The following ARHGDIB variants were observed in gnomAD, a reference collection of about 807,000 sequenced individuals.
ARHGDIB encodes the protein Rho GDP dissociation inhibitor beta.
A neutral mutation model predicts 22.6 loss-of-function variants in ARHGDIB; 20 were observed. That is an observed-to-expected ratio of 0.88 (90% CI 0.62 to 1.28). The LOEUF (loss-of-function observed/expected upper bound fraction) is 1.28, where lower values mean the gene tolerates loss of function less well. ARHGDIB is among the 50% of genes most tolerant of loss of function. The pLI, the probability that ARHGDIB is intolerant of heterozygous loss-of-function variation, is 0.00. For missense variants in ARHGDIB, 254 were observed against 245.4 expected, an observed-to-expected ratio of 1.04 and a Z score of -0.23; for synonymous variants, 114 against 96.1, an observed-to-expected ratio of 1.19 and a Z score of -1.09.
chr12:14,953,031 A>T (rs1322480929), intron 1 of ARHGDIB, among the ~76,000 whole-genome samples: 1 of 152,232 alleles, frequency 6.6e-6, no homozygotes, highest in Non-Finnish European at 1.5e-5. Context: ...GCCACCTTCT[A>T]ACAGTATGAC....
chr12:14,949,305 T>C lies in ARHGDIB; in HGVS notation c.265+497A>G, dbSNP rs564213241. The stretch of plus-strand genomic sequence containing the variant: ...AACATCTTAATTTGTACGCCTTTAG[T>C]AGGAGACGTTGTTTATTTAACAAGA... On this transcript the variant is annotated intron_variant, in intron 3 of 5. Coordinates refer to ENST00000228945, the MANE Select transcript of ARHGDIB (RefSeq NM_001175.7). Among the ~76,000 whole-genome samples, 3 of 152,344 alleles carry C rather than the reference T, an allele frequency of 2.0e-5. No homozygotes were observed. The East Asian group carries it at 5.8e-4, about 29-fold the overall frequency.
chr12:14,943,389 T>TG (rs567744193), intron 5 of ARHGDIB, among the ~76,000 whole-genome samples: 4,880 of 138,954 alleles, frequency 0.035, 219 homozygotes, highest in African/African-American at 0.11. Flanking sequence ...TTTTTTTTTT[T>TG]TTGTTGTTGT....
chr12:14,953,443 A>T (rs1023317694), intron 1 of ARHGDIB, among the ~76,000 whole-genome samples: 1 of 152,330 alleles, frequency 6.6e-6, no homozygotes, highest in South Asian at 2.1e-4. Flanking sequence ...GTGAGCACCC[A>T]CTGTTTACAA....
In ARHGDIB at chr12:14,942,665, A is replaced by G. The variant is rs1225295947; in HGVS notation, c.463T>C (p.Phe155Leu). The change falls in exon 6 of 6, where the codon TTC becomes CTC. Residue 155 changes from phenylalanine to leucine, a missense_variant. Coordinates refer to ENST00000228945, the MANE Select transcript of ARHGDIB (RefSeq NM_001175.7). ...SYGPRPEEYE[F>L]LTPVEEAPKG... ...GGAGCCTCCTCAACTGGAGTGAGGAACTCATACTCCTCAGGCCGAGGTCCA... is the reference window on the plus strand; with the variant it reads ...GGAGCCTCCTCAACTGGAGTGAGGAGCTCATACTCCTCAGGCCGAGGTCCA... 1 of 1,614,092 alleles carries G rather than the reference A, an allele frequency of 6.2e-7. No individual in the cohort carries two copies. Among genetic ancestry groups the G allele is most frequent in the South Asian group, 1.1e-5 (1 of 91,084 alleles).
At chr12:14,949,632 A>G in intron 3 of ARHGDIB, among the ~76,000 whole-genome samples, 170 bp downstream of exon 3, 1 of 152,214 alleles carries the variant, frequency 6.6e-6, no homozygotes, top group Non-Finnish European at 1.5e-5. Context: ...TGGGCTTTTC[A>G]TGAAACATGG....
Position 14,944,791 on chromosome 12 carries a change from T to C in ARHGDIB, c.391A>G (p.Arg131Gly). The part of the protein sequence containing the change: ...SGLKYVQHTY[R>G]TGVKVDKATF... Reference sequence around the variant, plus strand: ...GTTCCCTTACCTTTCACCCCAGTCCTGTAGGTGTGCTGAACGTATTTCAGG... The same window carrying C: ...GTTCCCTTACCTTTCACCCCAGTCCCGTAGGTGTGCTGAACGTATTTCAGG... The change falls in exon 5 of 6, where the codon AGG becomes GGG. Residue 131 changes from arginine (R) to glycine (G), a missense_variant. By Grantham distance (125) the Arg-to-Gly change is moderately radical (BLOSUM62 -2). Transcript: ENST00000228945. 6.2e-7 allele frequency: 1 copy of C among 1,613,654 alleles called. No homozygotes were observed. The highest frequency in any genetic ancestry group is 8.5e-7 in the Non-Finnish European group (1 of 1,179,712).
rs1346161700 is a variant in ARHGDIB, at chr12:14,942,733, G to A, written c.407-12C>T. 1 of 1,612,822 alleles carries A rather than the reference G, an allele frequency of 6.2e-7. No homozygotes were observed. Among genetic ancestry groups the A allele is most frequent in the African/African-American group, 1.3e-5 (1 of 75,028 alleles). On this transcript the variant is annotated splice_polypyrimidine_tract_variant and intron_variant, in intron 5 of 5. Transcript: ENST00000228945. ...TGTTGCTTTATCCACTAAGAAGAAA[G>A]AAGAGTTCATTAGGGTAAGAGCCTG...
chr12:14,957,444 C>T (rs900038204), intron 1 of ARHGDIB, among the ~76,000 whole-genome samples: 2 of 152,128 alleles, frequency 1.3e-5, no homozygotes, highest in Non-Finnish European at 2.9e-5. Context: ...CTCCTTCCTC[C>T]TTAAAAATAG....
At chr12:14,951,963 A>G (rs114995035) in intron 1 of ARHGDIB, among the ~76,000 whole-genome samples, 2,359 of 152,206 alleles carry the variant, frequency 0.015, 52 homozygotes, top group African/African-American at 0.052. Flanking sequence ...TGTGGCTGAC[A>G]GCCACATGAG....
chr12:14,946,208 T>C (rs979948322), intron 4 of ARHGDIB, among the ~76,000 whole-genome samples: 3 of 152,196 alleles, frequency 2.0e-5, no homozygotes, highest in African/African-American at 7.2e-5. Context: ...CTTGGTGTTA[T>C]GAATCAAAGT....
chr12:14,958,783 A>G (rs1864352497), intron 1 of ARHGDIB, among the ~76,000 whole-genome samples: 2 of 152,162 alleles, frequency 1.3e-5, no homozygotes, highest in Non-Finnish European at 2.9e-5. Flanking sequence ...AATTTTTACC[A>G]GCGGTAAAAT....
Position 14,942,466 on chromosome 12 carries a change from A to G in ARHGDIB, c.*56T>C. ...GACAGGGAGGAGGGACAGGGTGCTG[A>G]ACACGCCTGAGAGAATTCTTCCAGG... On this transcript the variant is annotated 3_prime_UTR_variant, in exon 6 of 6. Coordinates refer to ENST00000228945, the MANE Select transcript of ARHGDIB (RefSeq NM_001175.7). 6.3e-7 allele frequency: 1 copy of G among 1,591,602 alleles called. No individual in the cohort carries two copies. Among genetic ancestry groups the G allele is most frequent in the Non-Finnish European group, 8.6e-7 (1 of 1,161,174 alleles).
At chr12:14,952,649 G>C (rs768148722) in intron 1 of ARHGDIB, among the ~76,000 whole-genome samples, 6 of 152,184 alleles carry the variant, frequency 3.9e-5, no homozygotes, top group Non-Finnish European at 7.3e-5. Flanking sequence ...TTCATTAAGG[G>C]GCAAATGAAG....
At chr12:14,949,909 A>G in intron 2 of ARHGDIB, 24 bp from the exon 3 acceptor site, 1 of 1,605,262 alleles carries the variant, frequency 6.2e-7, no homozygotes, top group Middle Eastern at 1.7e-4. Flanking sequence ...AGGGAATGTA[A>G]GTACCAAGAA....
intron 4 of ARHGDIB, 76 bp from the exon 5 acceptor site, chr12:14,944,915 C>A: frequency 7.7e-7 from 1 of 1,302,616 alleles, no homozygotes; most frequent in East Asian, 2.4e-5. Flanking sequence ...GCTGATCCTG[C>A]CTAGCTGAAT....
At chr12:14,960,024 CT>C (rs1864379883) in intron 1 of ARHGDIB, among the ~76,000 whole-genome samples, 1 of 152,218 alleles carries the variant, frequency 6.6e-6, no homozygotes, top group Non-Finnish European at 1.5e-5. Context: ...CCTCTGCCCC[CT>C]GTCTCTCCGG....
rs777252647 is a variant in ARHGDIB at position 14,942,505 on chromosome 12, G to GA, written c.*16dup. The stretch of plus-strand genomic sequence containing the variant: ...AATTCTTCCAGGTGGCAAGGGTGGG[G>GA]AAAGGGGTGGATGCATTCATTCTGT... On this transcript the variant is annotated 3_prime_UTR_variant, in exon 6 of 6. Coordinates refer to ENST00000228945, the MANE Select transcript of ARHGDIB (RefSeq NM_001175.7). 46 of 1,613,600 alleles carry GA rather than the reference G, an allele frequency of 2.9e-5. No individual in the cohort carries two copies. The East Asian group carries it at 9.6e-4, about 34-fold the overall frequency.
intron 3 of ARHGDIB, among the ~76,000 whole-genome samples, chr12:14,949,148 C>T (rs1163347408): frequency 1.3e-5 from 2 of 152,108 alleles, no homozygotes; most frequent in Admixed American, 6.5e-5. Context: ...CTCCTGGCTC[C>T]GTGCTTCTCC....
At chr12:14,947,703 G>T in intron 4 of ARHGDIB, 170 bp downstream of exon 4, 1 of 591,638 alleles carries the variant, frequency 1.7e-6, no homozygotes, top group Non-Finnish European at 3.0e-6. Context: ...GGCAAACGTG[G>T]GTCTCAACAG....
Sources: gnomAD v4.1 joint callset for allele counts (sites outside exome capture counted in the v4.1 genomes callset) on GRCh38, gnomAD v4.1.1 for gene constraint, MANE v1.5 for transcripts, NCBI Gene and HGNC (gene_info 2026-07-23, HGNC 2026-07-21) for gene names.